The following DGKB variants were observed in gnomAD, a reference collection of about 807,000 sequenced individuals.
The protein encoded by DGKB is 90 kDa diacylglycerol kinase.
A neutral mutation model predicts 114.3 loss-of-function variants in DGKB; 67 were observed. That is an observed-to-expected ratio of 0.59 (90% CI 0.48 to 0.72). The LOEUF is 0.72. Among genes scored for constraint, DGKB ranks in the 30% least tolerant of loss-of-function variants. DGKB has a pLI of 0.00. For missense variants in DGKB, 907 were observed against 975.2 expected, an observed-to-expected ratio of 0.93 and a Z score of 0.93; for synonymous variants, 398 against 323.1, an observed-to-expected ratio of 1.23 and a Z score of -2.49.
chr7:14,377,727 A>C (rs371902826), intron 21 of DGKB, among the ~76,000 whole-genome samples: 1 of 152,132 alleles, frequency 6.6e-6, no homozygotes, highest in African/African-American at 2.4e-5. Flanking sequence ...ACTGATCCCC[A>C]TTGCTCACCA....
At chr7:14,480,599 T>C in intron 20 of DGKB, among the ~76,000 whole-genome samples, 1 of 152,158 alleles carries the variant, frequency 6.6e-6, no homozygotes, top group East Asian at 1.9e-4. Flanking sequence ...AATGCCATTT[T>C]AAAATAAATT....
chr7:14,477,206 T>C (rs1251178205), intron 21 of DGKB, among the ~76,000 whole-genome samples: 2 of 152,222 alleles, frequency 1.3e-5, no homozygotes, highest in African/African-American at 4.8e-5. Context: ...TTATTTATTG[T>C]GAACCTACAT....
intron 13 of DGKB, among the ~76,000 whole-genome samples, chr7:14,648,409 C>G (rs374676382): frequency 6.6e-6 from 1 of 152,128 alleles, no homozygotes; most frequent in African/African-American, 2.4e-5. Context: ...GGGCAGGGTA[C>G]TCCAACAGAC....
intron 13 of DGKB, among the ~76,000 whole-genome samples, chr7:14,663,230 C>T (rs7793583): frequency 0.77 from 116,500 of 151,868 alleles, 45,179 homozygotes; most frequent in East Asian, 0.89. Context: ...GGCTTTTTAA[C>T]GTGCTTGTAT....
At chr7:14,740,309 T>C (rs186909016) in intron 4 of DGKB, among the ~76,000 whole-genome samples, 23 of 151,874 alleles carry the variant, frequency 1.5e-4, no homozygotes, top group Admixed American at 2.6e-4. Flanking sequence ...GTTTTTGCTA[T>C]TACCTAGATT....
chr7:14,606,043 T>C (rs900511879), intron 17 of DGKB, among the ~76,000 whole-genome samples: 1 of 152,142 alleles, frequency 6.6e-6, no homozygotes, highest in African/African-American at 2.4e-5. Flanking sequence ...TAACTTGGTT[T>C]GATTCAACTT....
At chr7:14,972,582 C>G (rs1362974192) in intron 1 of DGKB, among the ~76,000 whole-genome samples, 3 of 151,256 alleles carry the variant, frequency 2.0e-5, no homozygotes, top group Non-Finnish European at 4.4e-5. Context: ...AAAGATATGA[C>G]TAGTATTCCA....
chr7:14,337,638 A>G (rs1324293521), intron 23 of DGKB, among the ~76,000 whole-genome samples: 1 of 151,974 alleles, frequency 6.6e-6, no homozygotes, highest in East Asian at 1.9e-4. Context: ...ATTCTATTTC[A>G]TTTTTTAGTA....
intron 5 of DGKB, among the ~76,000 whole-genome samples, chr7:14,727,486 A>G (rs1830192881): frequency 1.3e-5 from 2 of 152,196 alleles, no homozygotes; most frequent in African/African-American, 4.8e-5. Context: ...AATACTACAG[A>G]GGTACATCAA....
chr7:14,323,790 T>C (rs1808247121), intron 23 of DGKB, among the ~76,000 whole-genome samples: 1 of 152,186 alleles, frequency 6.6e-6, no homozygotes, highest in Non-Finnish European at 1.5e-5. Context: ...AGTGAATGAC[T>C]TATATGAAGA....
intron 21 of DGKB, among the ~76,000 whole-genome samples, chr7:14,387,619 G>T (rs1454973397): frequency 6.6e-6 from 1 of 151,928 alleles, no homozygotes; most frequent in Non-Finnish European, 1.5e-5. Flanking sequence ...GTCTCACTAT[G>T]TTGCCCATCC....
chr7:14,503,030 C>T (rs948564120), intron 20 of DGKB, among the ~76,000 whole-genome samples: 17 of 152,052 alleles, frequency 1.1e-4, no homozygotes, highest in Non-Finnish European at 1.5e-5. Flanking sequence ...GACTTTCTGC[C>T]TTCACTCCAG....
chr7:14,277,861 G>T (rs976088772), intron 23 of DGKB, among the ~76,000 whole-genome samples: 2 of 152,056 alleles, frequency 1.3e-5, no homozygotes, highest in African/African-American at 4.8e-5. Context: ...TTTCCATAAA[G>T]GCTGCACTAA....
At chr7:14,607,841 A>ATTT (rs60772844) in intron 16 of DGKB, among the ~76,000 whole-genome samples, 4 of 151,476 alleles carry the variant, frequency 2.6e-5, no homozygotes, top group South Asian at 2.1e-4. Flanking sequence ...AAATAAATGT[A>ATTT]TTTTTTTAAT....
At chr7:14,196,317 A>T (rs1478425972) in intron 23 of DGKB, among the ~76,000 whole-genome samples, 1 of 152,180 alleles carries the variant, frequency 6.6e-6, no homozygotes, top group Non-Finnish European at 1.5e-5. Flanking sequence ...TTCTAGTCAT[A>T]AAAGCCTGCT....
At chr7:14,747,062 C>T (rs1177169408) in intron 4 of DGKB, among the ~76,000 whole-genome samples, 2 of 152,102 alleles carry the variant, frequency 1.3e-5, no homozygotes, top group African/African-American at 2.4e-5. Context: ...TTATTTATTG[C>T]TGAAGTGTTA....
At chr7:14,623,367 T>C (rs1163935972) in intron 14 of DGKB, among the ~76,000 whole-genome samples, 1 of 152,176 alleles carries the variant, frequency 6.6e-6, no homozygotes. Flanking sequence ...ATTTTATTTG[T>C]GCAAATGTAT....
chr7:14,509,313 G>A (rs940627133), intron 20 of DGKB, among the ~76,000 whole-genome samples: 8 of 152,150 alleles, frequency 5.3e-5, no homozygotes, highest in Middle Eastern at 3.4e-3. Flanking sequence ...GGGAGCCATG[G>A]GTGGCCTCTG....
intron 23 of DGKB, among the ~76,000 whole-genome samples, chr7:14,256,964 G>C (rs1001324172): frequency 1.3e-5 from 2 of 152,036 alleles, no homozygotes; most frequent in Admixed American, 6.6e-5. Flanking sequence ...CCAGAAGTTT[G>C]AGACCAGCAT....
Sources: gnomAD v4.1 joint callset for allele counts (sites outside exome capture counted in the v4.1 genomes callset) on GRCh38, gnomAD v4.1.1 for gene constraint, MANE v1.5 for transcripts, NCBI Gene and HGNC (gene_info 2026-07-23, HGNC 2026-07-21) for gene names.